MRPL18: variants seen among roughly 807,000 people sequenced by gnomAD.
MRPL18 encodes mitochondrial ribosomal protein L18.
Under a neutral mutation model 20.9 loss-of-function variants are expected in MRPL18, and 16 were observed. The ratio of observed to expected loss-of-function variants is 0.76; its 90% confidence interval spans 0.52 to 1.16. The LOEUF is 1.16. Ranked by LOEUF, MRPL18 falls within the 50% of genes most tolerant of loss-of-function variation. MRPL18 has a pLI of 0.00. For synonymous variants in MRPL18, 91 were observed against 87.1 expected, an observed-to-expected ratio of 1.04 and a Z score of -0.25; for missense variants, 233 against 230.6, an observed-to-expected ratio of 1.01 and a Z score of -0.07.
At chr6:159,793,966 G>T (rs770922385) in intron 2 of MRPL18, among the ~76,000 whole-genome samples, 3 of 152,094 alleles carry the variant, frequency 2.0e-5, no homozygotes, top group Non-Finnish European at 4.4e-5. Flanking sequence ...AAAACCAGGA[G>T]TAGACTCCAT....
Position 159,798,236 on chromosome 6 carries a change from T to C in MRPL18, c.*113T>C, listed in dbSNP as rs572055118. 7.1e-4 allele frequency: 563 copies of C among 791,864 alleles called. 9 individuals are homozygous for C. In the South Asian group the frequency reaches 9.5e-3, roughly 13 times the overall value. 49.1% of individuals were successfully genotyped at this position (791,864 alleles called of 1,614,324 possible). A position where few individuals can be genotyped will look rare whatever the true frequency, so the allele number is the denominator to read the frequency against. On this transcript the variant is annotated 3_prime_UTR_variant, in exon 4 of 4. Transcript: ENST00000367034. ...CTTGGAAGTTTTACAGCAATAATGT[T>C]GCAGTGGAATATTATTTGTAGTTAA...
At position 159,791,024 on chromosome 6, in the gene MRPL18, C is replaced by T; in HGVS notation, c.137C>T (p.Pro46Leu). The change falls in exon 2 of 4, where the codon CCA becomes CTA. Residue 46 changes from proline to leucine, a missense_variant. Transcript: ENST00000367034. ...VDPVENEAVA[P>L]EFTNRNPRNL... ...CCTGTGGAAAATGAAGCTGTCGCCC[C>T]AGAATTCACCAACCGGAACCCCCGG... 1 of 1,614,208 alleles carries T rather than the reference C, an allele frequency of 6.2e-7. No homozygotes were observed. The highest frequency in any genetic ancestry group is 8.5e-7 in the Non-Finnish European group (1 of 1,180,038).
intron 2 of MRPL18, among the ~76,000 whole-genome samples, chr6:159,795,912 T>C (rs7383055): frequency 0.22 from 33,375 of 151,902 alleles, 3,815 homozygotes; most frequent in East Asian, 0.4. Context: ...GCCTCCCAAG[T>C]AGCTGGGACT....
At chr6:159,798,003 CGTGCTGCTGACTT>C in intron 3 of MRPL18, 36 bp from the exon 4 acceptor site, 1 of 1,471,188 alleles carries the variant, frequency 6.8e-7, no homozygotes, top group Non-Finnish European at 9.5e-7. Context: ...TCAGCCTACT[CGTGCTGCTGACTT>C]AATCTTTTCC....
intron 2 of MRPL18, among the ~76,000 whole-genome samples, chr6:159,793,533 C>T (rs1038295596): frequency 6.6e-6 from 1 of 152,170 alleles, no homozygotes; most frequent in African/African-American, 2.4e-5. Flanking sequence ...ACAGTTTCAA[C>T]AGAAGCTATT....
intron 2 of MRPL18, 82 bp from the exon 3 acceptor site, chr6:159,797,204 AT>A: frequency 7.9e-7 from 1 of 1,268,302 alleles, no homozygotes. Flanking sequence ...GTTGAAAAAT[AT>A]TTAGTCATTT....
intron 3 of MRPL18, 47 bp downstream of exon 3, chr6:159,797,565 T>G: frequency 6.4e-7 from 1 of 1,560,152 alleles, no homozygotes; most frequent in Non-Finnish European, 8.8e-7. Flanking sequence ...GTGTTAATTC[T>G]TGGCATTAGA....
At chr6:159,795,807 C>T (rs1342603492) in intron 2 of MRPL18, among the ~76,000 whole-genome samples, 13 of 152,024 alleles carry the variant, frequency 8.6e-5, no homozygotes, top group Admixed American at 8.5e-4. Context: ...ATTTTTGTGA[C>T]AGGGTTTCAC....
intron 2 of MRPL18, among the ~76,000 whole-genome samples, chr6:159,794,538 CTG>C (rs1175239407): frequency 3.3e-5 from 5 of 152,216 alleles, no homozygotes; most frequent in Non-Finnish European, 4.4e-5. Context: ...ATTTCAGTAA[CTG>C]TATGGAATAC....
chr6:159,795,320 C>A (rs1781003983), intron 2 of MRPL18, among the ~76,000 whole-genome samples: 1 of 152,220 alleles, frequency 6.6e-6, no homozygotes, highest in Admixed American at 6.5e-5. Context: ...TTTCCCTTCC[C>A]ACGAGGCCAT....
Position 159,796,300 on chromosome 6 carries a change from C to T in MRPL18, c.240-987C>T, listed in dbSNP as rs977383056. Among the ~76,000 whole-genome samples, 4 of 151,560 alleles carry T rather than the reference C, an allele frequency of 2.6e-5. No individual in the cohort carries two copies. In the South Asian group the frequency reaches 8.3e-4, roughly 32 times the overall value. ...TTTGAGACGAGCCTGGGCAATATGG[C>T]AAACCCTGTCTCTACAAAAAAATAC... On this transcript the variant is annotated intron_variant, in intron 2 of 3. Coordinates refer to ENST00000367034, the MANE Select transcript of MRPL18 (RefSeq NM_014161.5).
Position 159,798,345 on chromosome 6 carries a change from G to T in MRPL18, c.*222G>T. ...TGGGCTTCAGAAGCATCTAAGAAAAGCAGTCATCAATTATAATTAACTTTC... is the reference window on the plus strand; with the variant it reads ...TGGGCTTCAGAAGCATCTAAGAAAATCAGTCATCAATTATAATTAACTTTC... On this transcript the variant is annotated 3_prime_UTR_variant, in exon 4 of 4. Coordinates refer to ENST00000367034, the MANE Select transcript of MRPL18 (RefSeq NM_014161.5). 2.3e-6 allele frequency: 1 copy of T among 432,940 alleles called. No homozygotes were observed. The allele number at this position is 432,940 out of a possible 1,614,324, so 26.8% of individuals were successfully genotyped here.
chr6:159,793,725 C>T (rs919867473), intron 2 of MRPL18, among the ~76,000 whole-genome samples: 13 of 152,144 alleles, frequency 8.5e-5, no homozygotes, highest in Admixed American at 5.9e-4. Flanking sequence ...CTGGCTAACA[C>T]GGTGAAACCC....
At chr6:159,791,160 T>C (rs555826285) in intron 2 of MRPL18, 34 bp downstream of exon 2, 1 of 1,611,010 alleles carries the variant, frequency 6.2e-7, no homozygotes, top group East Asian at 2.2e-5. Flanking sequence ...ACAAGGGCAG[T>C]GCACCCTACA....
Position 159,793,482 on chromosome 6 carries a change from C to T in MRPL18, c.239+2356C>T, listed in dbSNP as rs137869553. Among the ~76,000 whole-genome samples, 1,253 of 152,256 alleles carry T rather than the reference C, an allele frequency of 8.2e-3. 56 individuals carry two copies. The highest frequency in any genetic ancestry group is 0.075 in the Admixed American group (1,150 of 15,294). On this transcript the variant is annotated intron_variant, in intron 2 of 3. Coordinates refer to ENST00000367034, the MANE Select transcript of MRPL18 (RefSeq NM_014161.5). ...AGCTGTACCTACTCTCATTTGTTTACGCATCACCTGGCTGTTCTAGCACTA... is the reference window on the plus strand; with the variant it reads ...AGCTGTACCTACTCTCATTTGTTTATGCATCACCTGGCTGTTCTAGCACTA...
chr6:159,795,463 A>G (rs1350259038), intron 2 of MRPL18, among the ~76,000 whole-genome samples: 7 of 92,920 alleles, frequency 7.5e-5, no homozygotes, highest in African/African-American at 2.2e-4. Flanking sequence ...CTTAACGAGC[A>G]TGCTGCCTTC....
In MRPL18 at chr6:159,790,529, G is replaced by A. The variant is rs1445137410; in HGVS notation, c.-59G>A. 2.5e-6 allele frequency: 4 copies of A among 1,611,752 alleles called. No homozygotes were observed. The highest frequency in any genetic ancestry group is 3.3e-5 in the Admixed American group (2 of 59,970). On this transcript the variant is annotated 5_prime_UTR_variant, in exon 1 of 4. Transcript: ENST00000367034. The stretch of plus-strand genomic sequence containing the variant: ...CTGACTTTATATGGCTGCTCCTGGC[G>A]AGCGACTGAGTCGTCCGTGAGGAAA...
intron 2 of MRPL18, among the ~76,000 whole-genome samples, chr6:159,793,639 G>A (rs955268658): frequency 6.6e-6 from 1 of 152,152 alleles, no homozygotes; most frequent in Non-Finnish European, 1.5e-5. Context: ...GCCGGGCGCG[G>A]TGGCTCACGT....
At chr6:159,791,628 C>T (rs1780902383) in intron 2 of MRPL18, among the ~76,000 whole-genome samples, 2 of 152,198 alleles carry the variant, frequency 1.3e-5, no homozygotes, top group Admixed American at 6.5e-5. Context: ...TGGCTGGGCG[C>T]ATTGTCTCAT....
Sources: gnomAD v4.1 joint callset for allele counts (sites outside exome capture counted in the v4.1 genomes callset) on GRCh38, gnomAD v4.1.1 for gene constraint, MANE v1.5 for transcripts, NCBI Gene and HGNC (gene_info 2026-07-23, HGNC 2026-07-21) for gene names.